The following ITSN2 variants were observed in gnomAD, a reference collection of about 807,000 sequenced individuals.
ITSN2 encodes intersectin 2, also known as intersectin-2.
Under a neutral mutation model 243.7 loss-of-function variants are expected in ITSN2, and 156 were observed. The ratio of observed to expected loss-of-function variants is 0.64; its 90% CI spans 0.56 to 0.73. The LOEUF is 0.73. Ranked by LOEUF, ITSN2 falls within the 30% of genes least tolerant of loss-of-function variation. The pLI, the probability that ITSN2 is intolerant of heterozygous loss-of-function variation, is 0.00. For synonymous variants in ITSN2, 703 were observed against 699.9 expected (o/e 1.00, Z -0.07); for missense variants, 1,801 against 1,996.1 (o/e 0.90, Z 1.86).
At chr2:24,304,924 C>T (rs771030046) in intron 8 of ITSN2, among the ~76,000 whole-genome samples, 3 of 152,292 alleles carry the variant, frequency 2.0e-5, no homozygotes, top group East Asian at 1.9e-4. Context: ...CACTCTTAGT[C>T]GGCCAAGCCT....
At chr2:24,264,902 C>T (rs1190164269) in intron 20 of ITSN2, among the ~76,000 whole-genome samples, 1 of 151,416 alleles carries the variant, frequency 6.6e-6, no homozygotes, top group South Asian at 2.1e-4. Context: ...TGAATCATCT[C>T]GTCATTTGCT....
chr2:24,264,219 C>T (rs539338334), intron 20 of ITSN2, among the ~76,000 whole-genome samples: 1 of 152,058 alleles, frequency 6.6e-6, no homozygotes, highest in Admixed American at 6.5e-5. Context: ...TGGAAAAACC[C>T]TGTCTCTAGT....
chr2:24,298,898 A>G lies in ITSN2; in HGVS notation c.1345-84T>C, dbSNP rs2151648864. On this transcript the variant is annotated intron_variant, in intron 12 of 39. Coordinates refer to ENST00000355123, the MANE Select transcript of ITSN2 (RefSeq NM_006277.3). ...AACTGGGAAGACAACAATAAAAGTC[A>G]GGCAGAGTTTAGCACTTAGTGGCTT... The G allele has an allele frequency of 3.1e-6, 4 of 1,308,574 alleles. No homozygotes were observed. The South Asian group carries it at 4.3e-5, about 14-fold the overall frequency. The allele number at this position is 1,308,574 out of a possible 1,614,324, so 81.1% of individuals were successfully genotyped here.
At chr2:24,328,384 A>T (rs573348412) in intron 1 of ITSN2, among the ~76,000 whole-genome samples, 2 of 152,234 alleles carry the variant, frequency 1.3e-5, no homozygotes, top group Non-Finnish European at 2.9e-5. Context: ...ATGAACCAAC[A>T]TTCTTGTAGA....
chr2:24,309,480 G>A (rs538581744), intron 7 of ITSN2, among the ~76,000 whole-genome samples: 7 of 152,178 alleles, frequency 4.6e-5, no homozygotes, highest in East Asian at 1.9e-4. Flanking sequence ...GATTACAGGC[G>A]TGAGCCACTG....
chr2:24,303,993 A>T (rs1682149377), intron 8 of ITSN2, 131 bp from the exon 9 acceptor site: 1 of 678,056 alleles, frequency 1.5e-6, no homozygotes, highest in Non-Finnish European at 2.6e-6. Context: ...AAATGTTTTT[A>T]CCACGTGCTA....
Position 24,253,457 on chromosome 2 carries a change from A to G in ITSN2, c.2953+910T>C, listed in dbSNP as rs1401091317. Among the ~76,000 whole-genome samples the G allele has an allele frequency of 5.9e-5, 9 of 152,224 alleles. No individual in the cohort carries two copies. In the East Asian group the frequency reaches 1.7e-3, roughly 29 times the overall value. ...CCTATGATTCAGCTTCACTGGTGAC[A>G]TGACGTTCCCCCGTTCCTTGGCTCA... On this transcript the variant is annotated intron_variant, in intron 24 of 39. Transcript: ENST00000355123.
intron 18 of ITSN2, among the ~76,000 whole-genome samples, chr2:24,274,951 C>T (rs1197150270): frequency 6.6e-6 from 1 of 152,134 alleles, no homozygotes; most frequent in Non-Finnish European, 1.5e-5. Context: ...CAGAAAAATA[C>T]CATGCAAAGT....
At chr2:24,342,312 C>G (rs1687118565) in intron 1 of ITSN2, among the ~76,000 whole-genome samples, 1 of 151,884 alleles carries the variant, frequency 6.6e-6, no homozygotes. Flanking sequence ...ATTCTCCCAC[C>G]TCAGCTTTTC....
intron 1 of ITSN2, among the ~76,000 whole-genome samples, chr2:24,350,226 T>G (rs940659731): frequency 6.6e-6 from 1 of 152,160 alleles, no homozygotes; most frequent in African/African-American, 2.4e-5. Flanking sequence ...AGGAAAAGCT[T>G]CTGATCTAGT....
chr2:24,212,273 A>G (rs1309964921), intron 33 of ITSN2, among the ~76,000 whole-genome samples: 1 of 152,166 alleles, frequency 6.6e-6, no homozygotes, highest in Non-Finnish European at 1.5e-5. Flanking sequence ...CAGAGGAAAG[A>G]CTGGAGTCTA....
rs1264524863 is a variant in ITSN2 at position 24,204,719 on chromosome 2, C to G, written c.4763-301G>C. The stretch of plus-strand genomic sequence containing the variant: ...TGCATGCTTCCTCGGCGCAGACACA[C>G]TCGGGAAGGCGGGCACTGGCACTTA... On this transcript the variant is annotated intron_variant, in intron 38 of 39. Transcript: ENST00000355123. The surrounding 1 kb of genome is among the most constrained non-coding windows in gnomAD (Gnocchi z 5.1). The G allele has an allele frequency of 1.8e-6, 1 of 549,292 alleles. No individual in the cohort carries two copies. Among genetic ancestry groups the G allele is most frequent in the South Asian group, 1.5e-5 (1 of 65,410 alleles). The allele number at this position is 549,292 out of a possible 1,614,324, so 34.0% of individuals were successfully genotyped here.
In ITSN2 at chr2:24,204,557, C is replaced by T. The variant is rs1668645862; in HGVS notation, c.4763-139G>A. On this transcript the variant is annotated intron_variant, in intron 38 of 39. Transcript: ENST00000355123. The surrounding 1 kb of genome is among the most constrained non-coding windows in gnomAD (Gnocchi z 5.1). ...GCAGCAGGAGCCGCTGCCTGGGGCA[C>T]CATATCCCTGTGGTCTAGTAACAGG... The T allele has an allele frequency of 1.3e-6, 1 of 768,910 alleles. No homozygotes were observed. The highest frequency in any genetic ancestry group is 1.4e-5 in the South Asian group (1 of 70,250). 47.6% of individuals were successfully genotyped at this position (768,910 alleles called of 1,614,324 possible).
At chr2:24,220,111 TC>T (rs1299565556) in intron 30 of ITSN2, among the ~76,000 whole-genome samples, 1 of 152,028 alleles carries the variant, frequency 6.6e-6, no homozygotes, top group Non-Finnish European at 1.5e-5. Context: ...GGAGAGTGAA[TC>T]CAGGGCAGGG....
intron 2 of ITSN2, among the ~76,000 whole-genome samples, chr2:24,327,789 C>T (rs2151838547): frequency 6.6e-6 from 1 of 152,202 alleles, no homozygotes; most frequent in South Asian, 2.1e-4. Context: ...ATTTGTCATC[C>T]AGTTTTATGC....
chr2:24,212,574 C>T (rs1315258476), intron 33 of ITSN2, 76 bp downstream of exon 33: 2 of 1,158,406 alleles, frequency 1.7e-6, no homozygotes, highest in African/African-American at 3.1e-5. Flanking sequence ...TCAGGGCTCC[C>T]TGAGGATCTG....
rs1668643569 is a variant in ITSN2 at position 24,204,547 on chromosome 2, G to C, written c.4763-129C>G. The C allele has an allele frequency of 1.2e-6, 1 of 816,962 alleles. No individual in the cohort carries two copies. Among genetic ancestry groups the C allele is most frequent in the Admixed American group, 1.9e-5 (1 of 52,082 alleles). The allele number at this position is 816,962 out of a possible 1,614,324, so 50.6% of individuals were successfully genotyped here. On this transcript the variant is annotated intron_variant, in intron 38 of 39. Transcript: ENST00000355123. The surrounding 1 kb of genome is among the most constrained non-coding windows in gnomAD (Gnocchi z 5.1). ...CGAGACCATGGCAGCAGGAGCCGCT[G>C]CCTGGGGCACCATATCCCTGTGGTC...
Position 24,219,494 on chromosome 2 carries a change from CTGTT to C in ITSN2, c.3699+1447_3699+1450del, listed in dbSNP as rs373493779. On this transcript the variant is annotated intron_variant, in intron 30 of 39. Coordinates refer to ENST00000355123, the MANE Select transcript of ITSN2 (RefSeq NM_006277.3). Reference sequence around the variant, plus strand: ...GACAGGGAAGAGTCTGGCTGTCCATCTGTTTGTTTATTTGCTGATTCATTCATGC... The same window carrying C: ...GACAGGGAAGAGTCTGGCTGTCCATCTGTTTATTTGCTGATTCATTCATGC... 2.5e-3 allele frequency among the ~76,000 whole-genome samples: 378 copies of C among 152,346 alleles called. 1 individual carries two copies. The highest frequency in any genetic ancestry group is 8.6e-3 in the African/African-American group (357 of 41,584).
chr2:24,302,230 G>A, intron 9 of ITSN2, 128 bp from the exon 10 acceptor site: 1 of 445,380 alleles, frequency 2.2e-6, no homozygotes, highest in Non-Finnish European at 3.4e-6. Flanking sequence ...ATGGAGTCTA[G>A]CTCTGTCGCT....
Sources: allele counts gnomAD v4.1 joint callset (sites outside exome capture counted in the v4.1 genomes callset), GRCh38; gene constraint gnomAD v4.1.1; non-coding constraint Gnocchi (gnomAD v3.1); transcripts MANE v1.5; gene names NCBI Gene and HGNC (gene_info 2026-07-23, HGNC 2026-07-21).